Variants in CSMD1 observed in about 807,000 individuals in gnomAD.
CSMD1 encodes the protein CUB and Sushi multiple domains 1.
CSMD1 carries 213 observed loss-of-function variants against 417.5 expected under a neutral mutation model. That is an observed-to-expected ratio of 0.51 (90% CI 0.46 to 0.57). The LOEUF is 0.57. Ranked by LOEUF, CSMD1 falls within the 20% of genes least tolerant of loss-of-function variation. The pLI is 0.00. For synonymous variants in CSMD1, 2,862 were observed against 1,736.8 expected (o/e 1.65, Z -16.11); for missense variants, 6,923 against 4,529.7 (o/e 1.53, Z -15.17).
chr8:3,993,626 G>C (rs1814928634), intron 5 of CSMD1, among the ~76,000 whole-genome samples: 1 of 152,154 alleles, frequency 6.6e-6, no homozygotes, highest in South Asian at 2.1e-4. Context: ...ACACCAGATA[G>C]GCAAAAGGGT....
intron 3 of CSMD1, among the ~76,000 whole-genome samples, chr8:4,384,699 C>T (rs1025953749): frequency 2.0e-5 from 3 of 152,084 alleles, no homozygotes; most frequent in African/African-American, 7.2e-5. Flanking sequence ...TGGGCCTTTC[C>T]CAGGGCCAAG....
chr8:3,151,521 G>A lies in CSMD1; in HGVS notation c.5915-8C>T. 4.4e-6 allele frequency: 7 copies of A among 1,587,886 alleles called. No homozygotes were observed. The highest frequency in any genetic ancestry group is 6.0e-6 in the Non-Finnish European group (7 of 1,158,658). ...GCGTCCCTCCACAGGTTGCTGTTAA[G>A]TGGACAAGATGTCAGTCCTGCAGGT... On this transcript the variant is annotated splice_polypyrimidine_tract_variant and splice_region_variant and intron_variant, in intron 39 of 69. Coordinates refer to ENST00000635120, the MANE Select transcript of CSMD1 (RefSeq NM_033225.6).
intron 20 of CSMD1, among the ~76,000 whole-genome samples, chr8:3,360,287 G>A (rs1417946236): frequency 6.6e-6 from 1 of 152,200 alleles, no homozygotes; most frequent in Non-Finnish European, 1.5e-5. Flanking sequence ...CATTTTGGGA[G>A]TAAGTATTCA....
chr8:4,657,973 G>C (rs1408518592), intron 1 of CSMD1, among the ~76,000 whole-genome samples: 1 of 121,972 alleles, frequency 8.2e-6, no homozygotes, highest in African/African-American at 2.9e-5. Flanking sequence ...TTCAAAAGTT[G>C]GTTAAAGCAG....
At chr8:4,596,857 G>A (rs749191562) in intron 2 of CSMD1, among the ~76,000 whole-genome samples, 7 of 152,152 alleles carry the variant, frequency 4.6e-5, no homozygotes, top group Middle Eastern at 3.2e-3. Flanking sequence ...AATCATGGGG[G>A]CTGATCTTTC....
At chr8:4,185,355 A>G (rs1395830828) in intron 3 of CSMD1, among the ~76,000 whole-genome samples, 1 of 152,054 alleles carries the variant, frequency 6.6e-6, no homozygotes, top group Non-Finnish European at 1.5e-5. Context: ...CAGGTTTACT[A>G]TGAAGATTAA....
At chr8:2,940,704 T>G (rs891249257) in intron 69 of CSMD1, among the ~76,000 whole-genome samples, 1 of 152,226 alleles carries the variant, frequency 6.6e-6, no homozygotes, top group Admixed American at 6.5e-5. Context: ...TATGTATAAA[T>G]ATGCATATAT....
intron 7 of CSMD1, among the ~76,000 whole-genome samples, chr8:3,698,713 G>C (rs1288754281): frequency 6.6e-6 from 1 of 152,178 alleles, no homozygotes; most frequent in African/African-American, 2.4e-5. Flanking sequence ...AGCAAAATGT[G>C]TTTCTCACAG....
At chr8:4,745,162 G>C (rs950700809) in intron 1 of CSMD1, among the ~76,000 whole-genome samples, 3 of 152,088 alleles carry the variant, frequency 2.0e-5, no homozygotes, top group Admixed American at 6.6e-5. Flanking sequence ...TTTATCTTAT[G>C]TAGGTAAGTT....
chr8:4,891,588 T>C (rs1185831217), intron 1 of CSMD1, among the ~76,000 whole-genome samples: 1 of 152,164 alleles, frequency 6.6e-6, no homozygotes, highest in Non-Finnish European at 1.5e-5. Flanking sequence ...TTCATCTCTT[T>C]TAGGAAATGT....
At chr8:4,817,059 G>A (rs990830472) in intron 1 of CSMD1, among the ~76,000 whole-genome samples, 1 of 152,168 alleles carries the variant, frequency 6.6e-6, no homozygotes, top group Non-Finnish European at 1.5e-5. Flanking sequence ...AGACATATAT[G>A]AAGAACTAGA....
At chr8:3,792,778 T>C (rs1275165453) in intron 5 of CSMD1, among the ~76,000 whole-genome samples, 1 of 152,220 alleles carries the variant, frequency 6.6e-6, no homozygotes, top group Admixed American at 6.5e-5. Context: ...TCATGCTCTC[T>C]CTCACAATTT....
At chr8:3,263,375 A>G (rs1267211117) in intron 26 of CSMD1, among the ~76,000 whole-genome samples, 1 of 152,218 alleles carries the variant, frequency 6.6e-6, no homozygotes, top group African/African-American at 2.4e-5. Flanking sequence ...CTGGAATTAC[A>G]GGCATGAGCC....
chr8:4,884,468 G>C (rs1457669719), intron 1 of CSMD1, among the ~76,000 whole-genome samples: 2 of 151,954 alleles, frequency 1.3e-5, no homozygotes, highest in Non-Finnish European at 2.9e-5. Flanking sequence ...CATGCCTGTA[G>C]AGATTCATGC....
At position 3,795,890 on chromosome 8, in the gene CSMD1, TACAG is replaced by T. The variant is rs1288081028; in HGVS notation, c.819-41852_819-41849del. Reference sequence around the variant, plus strand: ...CAGATATAGATATATATCTATCATGTACAGATATATATATCATGTACAGATATAG... The same window carrying T: ...CAGATATAGATATATATCTATCATGTATATATATATCATGTACAGATATAG... On this transcript the variant is annotated intron_variant, in intron 5 of 69. Transcript: ENST00000635120. 8.0e-4 allele frequency among the ~76,000 whole-genome samples: 51 copies of T among 63,584 alleles called. 9 individuals are homozygous for T. Among genetic ancestry groups the T allele is most frequent in the East Asian group, 2.5e-3 (7 of 2,806 alleles). The allele number at this position is 63,584 out of a possible 152,430, so 41.7% of individuals were successfully genotyped here.
intron 16 of CSMD1, among the ~76,000 whole-genome samples, 167 bp downstream of exon 16, chr8:3,399,224 A>T (rs894652457): frequency 1.3e-5 from 2 of 152,182 alleles, no homozygotes; most frequent in Admixed American, 1.3e-4. Context: ...AGAGGATACC[A>T]CTGAAGAAGA....
intron 3 of CSMD1, among the ~76,000 whole-genome samples, chr8:4,074,787 G>T (rs1488843194): frequency 6.6e-6 from 1 of 151,892 alleles, no homozygotes; most frequent in Non-Finnish European, 1.5e-5. Flanking sequence ...GTTCTCTTTA[G>T]TTATGACTGT....
In CSMD1 at chr8:4,299,702, C is replaced by T. The variant is rs548042704; in HGVS notation, c.415+120251G>A. 9.9e-5 allele frequency among the ~76,000 whole-genome samples: 15 copies of T among 152,244 alleles called. No individual in the cohort carries two copies. In the South Asian group the frequency reaches 2.5e-3, roughly 25 times the overall value. ...AGGCTGGATGCAGTGGCGATCTTGG[C>T]TCACTGCAACCCCTGACTCCCCATT... On this transcript the variant is annotated intron_variant, in intron 3 of 69. Transcript: ENST00000635120.
intron 1 of CSMD1, among the ~76,000 whole-genome samples, chr8:4,898,249 G>C (rs1179548064): frequency 1.3e-5 from 2 of 152,110 alleles, no homozygotes; most frequent in Non-Finnish European, 2.9e-5. Context: ...GGGGTGCTTA[G>C]ATGACTTGCC....
Sources: gnomAD v4.1 joint callset for allele counts (sites outside exome capture counted in the v4.1 genomes callset) on GRCh38, gnomAD v4.1.1 for gene constraint, MANE v1.5 for transcripts, NCBI Gene and HGNC (gene_info 2026-07-23, HGNC 2026-07-21) for gene names.